The following SYNRG variants were observed in gnomAD, a reference collection of about 807,000 sequenced individuals.
SYNRG encodes AP1 gamma subunit binding protein 1.
Under a neutral mutation model 130.9 loss-of-function variants are expected in SYNRG, and 37 were observed. The ratio of observed to expected loss-of-function variants is 0.28; its 90% CI spans 0.22 to 0.37. The LOEUF is 0.37. Among genes scored for constraint, SYNRG ranks in the 10% least tolerant of loss-of-function variants. The pLI, the probability that SYNRG is intolerant of heterozygous loss-of-function variation, is 1.00. For missense variants in SYNRG, 1,338 were observed against 1,588.9 expected (o/e 0.84, Z 2.68); for synonymous variants, 539 against 568.1 (o/e 0.95, Z 0.73).
At chr17:37,573,278 C>T (rs964955054) in intron 8 of SYNRG, among the ~76,000 whole-genome samples, 2 of 152,074 alleles carry the variant, frequency 1.3e-5, no homozygotes, top group African/African-American at 4.8e-5. Flanking sequence ...TGGTGCACGC[C>T]TGTAGCCCCA....
chr17:37,593,043 A>G (rs2062345321), intron 3 of SYNRG, among the ~76,000 whole-genome samples: 1 of 152,302 alleles, frequency 6.6e-6, no homozygotes, highest in South Asian at 2.1e-4. Context: ...ATTGTACATC[A>G]TGAGGAGTGT....
intron 4 of SYNRG, 48 bp from the exon 5 acceptor site, chr17:37,585,478 C>T: frequency 7.7e-7 from 1 of 1,301,900 alleles, no homozygotes; most frequent in Non-Finnish European, 1.1e-6. Context: ...GGATTATACA[C>T]TGTGTTTTAT....
intron 13 of SYNRG, among the ~76,000 whole-genome samples, chr17:37,554,664 T>C (rs2058970657): frequency 6.6e-6 from 1 of 152,180 alleles, no homozygotes; most frequent in Non-Finnish European, 1.5e-5. Flanking sequence ...TGAAAAGGTA[T>C]CTATTTATTT....
chr17:37,553,951 A>T lies in SYNRG; in HGVS notation c.1772T>A (p.Phe591Tyr). 3.7e-6 allele frequency: 6 copies of T among 1,609,796 alleles called. No homozygotes were observed. The highest frequency in any genetic ancestry group is 5.1e-6 in the Non-Finnish European group (6 of 1,179,226). Residue 591 changes from phenylalanine (F) to tyrosine (Y), a missense_variant, in exon 14 of 22, where the codon TTT (phenylalanine) becomes TAT (tyrosine). By Grantham distance (22) the Phe-to-Tyr change is conservative. Transcript: ENST00000612223. ...PLEPPTKDKTFPPSFPSGTIQ... is the reference protein window; with the variant it reads ...PLEPPTKDKTYPPSFPSGTIQ... ...AGTTCCTGAGGGGAAGGATGGTGGA[A>T]AAGTTTTGTCTTTTGTTGGTGGCTC...
intron 14 of SYNRG, among the ~76,000 whole-genome samples, chr17:37,551,348 G>C (rs2058695335): frequency 6.6e-6 from 1 of 152,182 alleles, no homozygotes; most frequent in African/African-American, 2.4e-5. Flanking sequence ...GCTCTAAAGG[G>C]ATACTGCTCC....
chr17:37,531,001 C>T (rs2056573958), intron 19 of SYNRG, among the ~76,000 whole-genome samples: 1 of 152,164 alleles, frequency 6.6e-6, no homozygotes, highest in Non-Finnish European at 1.5e-5. Flanking sequence ...GTAATCCCAG[C>T]CCTTTGGGAG....
At position 37,518,879 on chromosome 17, in the gene SYNRG, T is replaced by C; in HGVS notation, c.*61A>G. 1.3e-6 allele frequency: 2 copies of C among 1,586,742 alleles called. No homozygotes were observed. Among genetic ancestry groups the C allele is most frequent in the Non-Finnish European group, 1.7e-6 (2 of 1,165,776 alleles). On this transcript the variant is annotated 3_prime_UTR_variant, in exon 22 of 22. Coordinates refer to ENST00000612223, the MANE Select transcript of SYNRG (RefSeq NM_007247.6). Reference sequence around the variant, plus strand: ...GCAGTGCTCGCATTCTATTTATTGGTCCCTGTCACCCCGTGGGGTGTCACA... The same window carrying C: ...GCAGTGCTCGCATTCTATTTATTGGCCCCTGTCACCCCGTGGGGTGTCACA...
chr17:37,596,472 T>C, intron 2 of SYNRG, 128 bp from the exon 3 acceptor site: 1 of 899,382 alleles, frequency 1.1e-6, no homozygotes, highest in Non-Finnish European at 1.6e-6. Flanking sequence ...GGGTCCTGAG[T>C]GAGACAGATG....
intron 2 of SYNRG, 112 bp from the exon 3 acceptor site, chr17:37,596,456 A>G: frequency 2.5e-6 from 3 of 1,184,144 alleles, no homozygotes; most frequent in Non-Finnish European, 3.5e-6. Flanking sequence ...TAATGGAAAA[A>G]GCACAGGGTC....
rs202122516 is a variant in SYNRG at position 37,568,637 on chromosome 17, GA to G, written c.1481+153del. The G allele has an allele frequency of 1.6e-3, 1,284 of 795,690 alleles. 23 individuals carry two copies. In the East Asian group the frequency reaches 0.029, roughly 18 times the overall value. 49.3% of individuals were successfully genotyped at this position (795,690 alleles called of 1,614,324 possible). ...AGATGGACAAAGGGGAGAGAAGTTT[GA>G]AAAGTAAAAGTATTAATACAGAGGG... On this transcript the variant is annotated intron_variant, in intron 11 of 21. Coordinates refer to ENST00000612223, the MANE Select transcript of SYNRG (RefSeq NM_007247.6).
At chr17:37,598,654 TGATCC>T (rs2062993413) in intron 2 of SYNRG, among the ~76,000 whole-genome samples, 1 of 152,204 alleles carries the variant, frequency 6.6e-6, no homozygotes, top group Non-Finnish European at 1.5e-5. Context: ...TTTTCAGAAA[TGATCC>T]ATGCATAATT....
chr17:37,532,476 C>A (rs1441652359), intron 19 of SYNRG, among the ~76,000 whole-genome samples: 1 of 152,046 alleles, frequency 6.6e-6, no homozygotes, highest in African/African-American at 2.4e-5. Flanking sequence ...AGTTCGAGAC[C>A]AGCCTGGCCA....
chr17:37,567,248 G>A (rs1020401979), intron 11 of SYNRG: 2 of 152,248 alleles, frequency 1.3e-5, no homozygotes, highest in African/African-American at 2.4e-5. Flanking sequence ...GTCACACAGA[G>A]CTGACAGAGT....
chr17:37,584,671 G>A lies in SYNRG; in HGVS notation c.566C>T (p.Pro189Leu), dbSNP rs543104469. The change falls in exon 6 of 22, where the codon CCA becomes CTA. Residue 189 changes from proline to leucine, a missense_variant. Pro to Leu is a moderately conservative substitution (Grantham distance 98, BLOSUM62 -3). Around this residue, in one of 3 missense-constraint regions of SYNRG, gnomAD observed 1,146 missense variants for 1,342.3 expected, o/e 0.85. Coordinates refer to ENST00000612223, the MANE Select transcript of SYNRG (RefSeq NM_007247.6). ...FSRDAKMHPT[P>L]ASHPKKPGPS... ...ACCTGGTTTCTTGGGGTGCGATGCT[G>A]GAGTAGGGTGCATTTTTGCATCTCT... 21 of 1,613,790 alleles carry A rather than the reference G, an allele frequency of 1.3e-5. No homozygotes were observed. In the South Asian group the frequency reaches 1.9e-4, roughly 14 times the overall value.
intron 6 of SYNRG, 90 bp from the exon 7 acceptor site, chr17:37,577,703 T>C: frequency 1.9e-6 from 2 of 1,050,326 alleles, no homozygotes; most frequent in Non-Finnish European, 2.7e-6. Context: ...TTCTTTTTTT[T>C]TTTTTTTTTT....
intron 14 of SYNRG, among the ~76,000 whole-genome samples, chr17:37,544,138 G>T (rs2058042623): frequency 6.6e-6 from 1 of 152,130 alleles, no homozygotes. Context: ...TAGGAAAGGG[G>T]TGCTAAGTGA....
intron 6 of SYNRG, among the ~76,000 whole-genome samples, chr17:37,583,492 G>T (rs1448347155): frequency 6.6e-6 from 1 of 152,060 alleles, no homozygotes; most frequent in Non-Finnish European, 1.5e-5. Context: ...TCAAGAACTG[G>T]TTACTATGCC....
At chr17:37,602,412 G>A (rs1371139321) in intron 1 of SYNRG, among the ~76,000 whole-genome samples, 1 of 152,044 alleles carries the variant, frequency 6.6e-6, no homozygotes, top group East Asian at 1.9e-4. Flanking sequence ...AAACAACTAA[G>A]GACAAACTTG....
intron 19 of SYNRG, among the ~76,000 whole-genome samples, chr17:37,530,743 A>AC (rs2056546774): frequency 6.6e-6 from 1 of 152,050 alleles, no homozygotes; most frequent in Non-Finnish European, 1.5e-5. Context: ...GTAGTAAACT[A>AC]CCCCCATTCC....
Sources: allele counts gnomAD v4.1 joint callset (sites outside exome capture counted in the v4.1 genomes callset), GRCh38; gene constraint gnomAD v4.1.1; regional missense constraint gnomAD v4.1.1; transcripts MANE v1.5; gene names NCBI Gene and HGNC (gene_info 2026-07-23, HGNC 2026-07-21).